Variants in CADPS observed in about 807,000 individuals in gnomAD.
CADPS encodes the protein calcium-dependent secretion activator 1.
CADPS carries 57 observed loss-of-function variants against 167.3 expected under a neutral mutation model. The ratio of observed to expected loss-of-function variants is 0.34; its 90% confidence interval spans 0.28 to 0.42. The LOEUF (loss-of-function observed/expected upper bound fraction) is 0.42. Ranked by LOEUF, CADPS falls within the 20% of genes least tolerant of loss-of-function variation. CADPS has a pLI of 1.00. For synonymous variants in CADPS, 676 were observed against 635.3 expected, an observed-to-expected ratio of 1.06 and a Z score of -0.96; for missense variants, 1,414 against 1,738.1, an observed-to-expected ratio of 0.81 and a Z score of 3.32.
intron 3 of CADPS, among the ~76,000 whole-genome samples, chr3:62,662,720 G>A (rs192019641): frequency 1.1e-4 from 17 of 152,226 alleles, no homozygotes; most frequent in Non-Finnish European, 1.6e-4. Context: ...GTGCTTACAC[G>A]GCAGATGTAC....
At chr3:62,526,973 A>T (rs1414988784) in intron 13 of CADPS, among the ~76,000 whole-genome samples, 1 of 152,172 alleles carries the variant, frequency 6.6e-6, no homozygotes, top group Non-Finnish European at 1.5e-5. Flanking sequence ...TATGATCTAA[A>T]GACCAAATGC....
At chr3:62,713,676 T>C (rs2083845727) in intron 3 of CADPS, among the ~76,000 whole-genome samples, 1 of 152,194 alleles carries the variant, frequency 6.6e-6, no homozygotes, top group South Asian at 2.1e-4. Context: ...TGCCATTGAA[T>C]TCTTTTCTGG....
At chr3:62,738,077 A>C (rs2079378767) in intron 3 of CADPS, among the ~76,000 whole-genome samples, 1 of 152,120 alleles carries the variant, frequency 6.6e-6, no homozygotes, top group East Asian at 1.9e-4. Context: ...TAGACACTCA[A>C]TTCACATTGA....
chr3:62,618,715 A>C (rs566326678), intron 6 of CADPS, among the ~76,000 whole-genome samples: 35 of 152,270 alleles, frequency 2.3e-4, no homozygotes, highest in African/African-American at 8.2e-4. Flanking sequence ...CTACTGCATT[A>C]TTTGAAACTT....
At chr3:62,856,162 A>G (rs192290157) in intron 1 of CADPS, among the ~76,000 whole-genome samples, 41 of 152,330 alleles carry the variant, frequency 2.7e-4, no homozygotes, top group Admixed American at 5.2e-4. Context: ...TGTATTAGAG[A>G]GTAGTCCATT....
chr3:62,810,421 C>G (rs1016300597), intron 1 of CADPS, among the ~76,000 whole-genome samples: 1 of 152,214 alleles, frequency 6.6e-6, no homozygotes, highest in East Asian at 1.9e-4. Flanking sequence ...TCATCATCAT[C>G]ATTCATGAGT....
intron 3 of CADPS, among the ~76,000 whole-genome samples, chr3:62,699,258 A>G (rs957584687): frequency 2.0e-5 from 3 of 151,092 alleles, no homozygotes; most frequent in Admixed American, 2.0e-4. Context: ...GCTGATCTTG[A>G]ACCCCTGGGC....
intron 6 of CADPS, among the ~76,000 whole-genome samples, chr3:62,619,650 C>T (rs1003065555): frequency 2.0e-5 from 3 of 152,100 alleles, no homozygotes; most frequent in African/African-American, 7.2e-5. Flanking sequence ...GAGACAATAG[C>T]AATCAGGAAA....
rs182410028 is a variant in CADPS at position 62,722,684 on chromosome 3, A to G, written c.888+30757T>C. 5.6e-3 allele frequency among the ~76,000 whole-genome samples: 846 copies of G among 152,346 alleles called. 35 individuals carry two copies. In the South Asian group the frequency reaches 0.11, roughly 20 times the overall value. On this transcript the variant is annotated intron_variant, in intron 3 of 29. Transcript: ENST00000383710. ...ACCATGACCAAAAAAGTATGACCCAATAGTTTCCATAATTGAAAGAGCAAA... is the reference window on the plus strand; with the variant it reads ...ACCATGACCAAAAAAGTATGACCCAGTAGTTTCCATAATTGAAAGAGCAAA...
chr3:62,839,370 T>C (rs1210346859), intron 1 of CADPS, among the ~76,000 whole-genome samples: 1 of 152,102 alleles, frequency 6.6e-6, no homozygotes, highest in Non-Finnish European at 1.5e-5. Context: ...TTTGTATTTT[T>C]AGTAGAAACG....
At chr3:62,816,629 A>C (rs994439539) in intron 1 of CADPS, among the ~76,000 whole-genome samples, 1 of 151,810 alleles carries the variant, frequency 6.6e-6, no homozygotes, top group Non-Finnish European at 1.5e-5. Context: ...AAGCCTTCCC[A>C]GCACTACTAG....
intron 13 of CADPS, among the ~76,000 whole-genome samples, chr3:62,532,349 G>A (rs2073875595): frequency 6.6e-6 from 1 of 152,104 alleles, no homozygotes; most frequent in African/African-American, 2.4e-5. Context: ...TTGATGTCTG[G>A]CTTTTACTCA....
chr3:62,514,418 G>A lies in CADPS; in HGVS notation c.2581+1641C>T, dbSNP rs745527172. Reference sequence around the variant, plus strand: ...ATCACGGACAAGGAAGGAGAGAAGCGGAAGAGAGCAGGTAGTGTGGAATGA... The same window carrying A: ...ATCACGGACAAGGAAGGAGAGAAGCAGAAGAGAGCAGGTAGTGTGGAATGA... On this transcript the variant is annotated intron_variant, in intron 16 of 29. Coordinates refer to ENST00000383710, the MANE Select transcript of CADPS (RefSeq NM_003716.4). This position sits in a 1 kb window ranked among gnomAD's most constrained non-coding sequence, Gnocchi z 4.2. 3.9e-5 allele frequency among the ~76,000 whole-genome samples: 6 copies of A among 152,090 alleles called. No individual in the cohort carries two copies. The highest frequency in any genetic ancestry group is 1.9e-4 in the East Asian group (1 of 5,162).
intron 3 of CADPS, among the ~76,000 whole-genome samples, chr3:62,702,022 T>C (rs1274506584): frequency 3.3e-5 from 5 of 152,122 alleles, no homozygotes. Context: ...GTGCCAGATG[T>C]ATACCTAATT....
intron 3 of CADPS, among the ~76,000 whole-genome samples, chr3:62,670,614 C>G (rs999767732): frequency 1.3e-5 from 2 of 151,866 alleles, no homozygotes; most frequent in Non-Finnish European, 2.9e-5. Context: ...TGGCTTCTGG[C>G]AATGCAGTAA....
At chr3:62,505,368 C>T (rs2066476029) in intron 17 of CADPS, among the ~76,000 whole-genome samples, 1 of 152,118 alleles carries the variant, frequency 6.6e-6, no homozygotes, top group African/African-American at 2.4e-5. Flanking sequence ...TTGGAGCCAT[C>T]GTTGTCTTTT....
At chr3:62,711,271 G>A (rs924573088) in intron 3 of CADPS, among the ~76,000 whole-genome samples, 1 of 152,034 alleles carries the variant, frequency 6.6e-6, no homozygotes, top group African/African-American at 2.4e-5. Flanking sequence ...TAATATCTAT[G>A]GTAATCTGGT....
chr3:62,829,023 G>A (rs2074576122), intron 1 of CADPS, among the ~76,000 whole-genome samples: 1 of 152,130 alleles, frequency 6.6e-6, no homozygotes, highest in African/African-American at 2.4e-5. Context: ...TTAGTCTAGG[G>A]CTAATTATCC....
Position 62,541,555 on chromosome 3 carries a change from G to A in CADPS, c.1967-4974C>T, listed in dbSNP as rs146725070. 3.9e-5 allele frequency among the ~76,000 whole-genome samples: 6 copies of A among 152,258 alleles called. No individual in the cohort carries two copies. In the East Asian group the frequency reaches 5.8e-4, roughly 15 times the overall value. On this transcript the variant is annotated intron_variant, in intron 11 of 29. Transcript: ENST00000383710. The stretch of plus-strand genomic sequence containing the variant: ...ACGGAGAGCAGGTGCACTTTCAAGC[G>A]GAAACTAGTCTAAACCTTGCCCCAA...
Sources: gnomAD v4.1 joint callset for allele counts (sites outside exome capture counted in the v4.1 genomes callset) on GRCh38, gnomAD v4.1.1 for gene constraint, Gnocchi (gnomAD v3.1) non-coding constraint, MANE v1.5 for transcripts, NCBI Gene and HGNC (gene_info 2026-07-23, HGNC 2026-07-21) for gene names.